The following NRG1 variants were observed in gnomAD, a reference collection of about 807,000 sequenced individuals.
NRG1 encodes the protein neuregulin 1.
NRG1 carries 18 observed loss-of-function variants against 63.8 expected under a neutral mutation model. The ratio of observed to expected loss-of-function variants is 0.28; its 90% confidence interval spans 0.19 to 0.42. The LOEUF is 0.42. Ranked by LOEUF, NRG1 falls within the 10% of genes least tolerant of loss-of-function variation. NRG1 has a pLI of 1.00. For missense variants in NRG1, 762 were observed against 814.7 expected, an observed-to-expected ratio of 0.94 and a Z score of 0.79; for synonymous variants, 302 against 301.3, an observed-to-expected ratio of 1.00 and a Z score of -0.02.
At position 32,274,278 on chromosome 8, in the gene NRG1, A is replaced by G. The variant is rs151233125; in HGVS notation, c.38-321550A>G. 8.3e-4 allele frequency among the ~76,000 whole-genome samples: 126 copies of G among 152,262 alleles called. 5 individuals are homozygous for G. Among genetic ancestry groups the G allele is most frequent in the African/African-American group, 3.0e-3 (124 of 41,562 alleles). ...CAGCTGTTGTCTCTACTCTCCATTC[A>G]AAACAATGCACGTGCAACTTTCCCT... is the stretch of plus-strand genomic sequence containing the variant. On this transcript the variant is annotated intron_variant, in intron 1 of 10. Coordinates refer to the NRG1 transcript ENST00000519301.
chr8:31,737,496 C>A (rs1305509973), intron 1 of NRG1, among the ~76,000 whole-genome samples: 1 of 152,062 alleles, frequency 6.6e-6, no homozygotes, highest in Non-Finnish European at 1.5e-5. Flanking sequence ...ACTTATTGAA[C>A]AGATAAATGA....
At chr8:31,805,917 G>A (rs1822239791) in intron 1 of NRG1, among the ~76,000 whole-genome samples, 1 of 150,250 alleles carries the variant, frequency 6.7e-6, no homozygotes, top group South Asian at 2.1e-4. Flanking sequence ...TTTCTGCATA[G>A]TATTCTTAAA....
intron 1 of NRG1, among the ~76,000 whole-genome samples, chr8:31,817,474 ATAT>A (rs1384253781): frequency 6.6e-6 from 1 of 152,224 alleles, no homozygotes; most frequent in Non-Finnish European, 1.5e-5. Context: ...CCTTCATATA[ATAT>A]TTATTACATG....
At chr8:32,307,150 A>G (rs1856280908) in intron 1 of NRG1, among the ~76,000 whole-genome samples, 1 of 152,122 alleles carries the variant, frequency 6.6e-6, no homozygotes, top group South Asian at 2.1e-4. Flanking sequence ...TTGATAAATC[A>G]TGGCAAAAGG....
chr8:32,751,440 G>T (rs1174572331), intron 7 of NRG1, among the ~76,000 whole-genome samples: 3 of 152,118 alleles, frequency 2.0e-5, no homozygotes, highest in African/African-American at 4.8e-5. Context: ...TCTCTAATTT[G>T]CTCTTCCCCA....
chr8:32,609,620 T>G, intron 3 of NRG1, among the ~76,000 whole-genome samples: 1 of 107,308 alleles, frequency 9.3e-6, no homozygotes, highest in South Asian at 3.8e-4. Flanking sequence ...CCTTCCTTCC[T>G]TTCCCTCCCT....
At chr8:31,766,903 G>C (rs1818123414) in intron 1 of NRG1, among the ~76,000 whole-genome samples, 1 of 152,228 alleles carries the variant, frequency 6.6e-6, no homozygotes. Flanking sequence ...GCTCTCTTGG[G>C]CAAAAGCTTC....
chr8:32,098,514 A>G (rs147806428), intron 1 of NRG1, among the ~76,000 whole-genome samples: 2 of 152,310 alleles, frequency 1.3e-5, no homozygotes, highest in African/African-American at 4.8e-5. Flanking sequence ...TGTTTCCTGG[A>G]AGTGTTTGAA....
At chr8:31,886,307 A>G (rs1457041676) in intron 1 of NRG1, among the ~76,000 whole-genome samples, 2 of 151,962 alleles carry the variant, frequency 1.3e-5, no homozygotes, top group Non-Finnish European at 2.9e-5. Flanking sequence ...GCAAATAATC[A>G]CTCATCCAGA....
chr8:31,754,036 T>A lies in NRG1; in HGVS notation c.37+114605T>A, dbSNP rs1054193537. ...TATGTTGTTCACATCTGCCTCAATA[T>A]AAGTGGCAGAAGCAACATTCCTGGT... On this transcript the variant is annotated intron_variant, in intron 1 of 10. Transcript: ENST00000519301. Among the ~76,000 whole-genome samples the A allele has an allele frequency of 3.3e-5, 5 of 152,110 alleles. No individual in the cohort carries two copies. The East Asian group carries it at 7.7e-4, about 24-fold the overall frequency.
chr8:31,935,828 G>A (rs1475497620), intron 1 of NRG1, among the ~76,000 whole-genome samples: 1 of 152,134 alleles, frequency 6.6e-6, no homozygotes, highest in African/African-American at 2.4e-5. Flanking sequence ...TTTCTCCTAT[G>A]TTGATCTACC....
chr8:32,005,146 G>T (rs868062582), intron 1 of NRG1, among the ~76,000 whole-genome samples: 1 of 151,702 alleles, frequency 6.6e-6, no homozygotes, highest in Non-Finnish European at 1.5e-5. Flanking sequence ...AGAGAGGAAG[G>T]AAGGAGGGAG....
At chr8:32,632,602 T>C (rs1850546907) in intron 5 of NRG1, among the ~76,000 whole-genome samples, 1 of 151,732 alleles carries the variant, frequency 6.6e-6, no homozygotes, top group South Asian at 2.1e-4. Flanking sequence ...TTCAGTGTTA[T>C]GATTCTATCA....
intron 1 of NRG1, among the ~76,000 whole-genome samples, chr8:32,564,831 C>T (rs191429915): frequency 6.6e-6 from 1 of 151,786 alleles, no homozygotes; most frequent in African/African-American, 2.4e-5. Context: ...GAGGCTGAGG[C>T]AGGAGGATTA....
chr8:31,665,755 G>A (rs1806467424), intron 1 of NRG1, among the ~76,000 whole-genome samples: 1 of 151,846 alleles, frequency 6.6e-6, no homozygotes, highest in South Asian at 2.1e-4. Context: ...TTGTTGCATT[G>A]CGTTTATCCT....
intron 1 of NRG1, among the ~76,000 whole-genome samples, chr8:32,479,305 A>G (rs568115895): frequency 7.8e-4 from 119 of 151,928 alleles, no homozygotes; most frequent in Non-Finnish European, 9.6e-4. Context: ...GTGAAACCCC[A>G]TCTCTACTAA....
chr8:31,734,954 G>A (rs754985215), intron 1 of NRG1, among the ~76,000 whole-genome samples: 2 of 152,092 alleles, frequency 1.3e-5, no homozygotes, highest in Non-Finnish European at 2.9e-5. Flanking sequence ...CATCTGTGAT[G>A]CTGTCAGAGG....
At chr8:32,047,150 G>C (rs1358280217) in intron 1 of NRG1, among the ~76,000 whole-genome samples, 3 of 151,882 alleles carry the variant, frequency 2.0e-5, no homozygotes, top group Non-Finnish European at 4.4e-5. Context: ...CCTCACCAAT[G>C]CTGATTATTT....
chr8:32,196,316 G>A (rs1474359114), intron 1 of NRG1, among the ~76,000 whole-genome samples: 1 of 152,168 alleles, frequency 6.6e-6, no homozygotes, highest in African/African-American at 2.4e-5. Context: ...AAGGGTAGAG[G>A]AAATCATGCA....
Sources: allele counts gnomAD v4.1 joint callset (sites outside exome capture counted in the v4.1 genomes callset), GRCh38; gene constraint gnomAD v4.1.1; transcripts MANE v1.5; gene names NCBI Gene and HGNC (gene_info 2026-07-23, HGNC 2026-07-21).